Variants in DIP2C observed in about 807,000 individuals in gnomAD.
The protein encoded by DIP2C is DIP2 acetate--CoA ligase C (putative), also known as disco-interacting protein 2 homolog C.
DIP2C carries 33 observed loss-of-function variants against 192.4 expected under a neutral mutation model. The observed-to-expected ratio is 0.17, with a 90% CI of 0.13 to 0.23. The LOEUF (loss-of-function observed/expected upper bound fraction) is 0.23, where lower values mean the gene tolerates loss of function less well. Ranked by LOEUF, DIP2C falls within the 10% of genes least tolerant of loss-of-function variation. The pLI is 1.00. For missense variants in DIP2C, 1,537 were observed against 2,110.1 expected, an observed-to-expected ratio of 0.73 and a Z score of 5.32; for synonymous variants, 979 against 864.1, an observed-to-expected ratio of 1.13 and a Z score of -2.33.
intron 1 of DIP2C, among the ~76,000 whole-genome samples, chr10:507,892 G>C (rs978611233): frequency 1.3e-5 from 2 of 152,166 alleles, no homozygotes; most frequent in Non-Finnish European, 2.9e-5. Context: ...TAAATGAGGG[G>C]CCCAAGTTTT....
chr10:474,225 G>A (rs1970876823), intron 2 of DIP2C, among the ~76,000 whole-genome samples: 1 of 152,120 alleles, frequency 6.6e-6, no homozygotes, highest in Non-Finnish European at 1.5e-5. Context: ...ATGACTTCCT[G>A]AATTGTCCTT....
intron 1 of DIP2C, among the ~76,000 whole-genome samples, chr10:546,363 C>A (rs978622341): frequency 1.3e-5 from 2 of 151,464 alleles, no homozygotes; most frequent in Non-Finnish European, 3.0e-5. Flanking sequence ...AAAGAAAAAA[C>A]CATTTTCCAA....
At chr10:340,745 C>T (rs1958103171) in intron 29 of DIP2C, 2 of 457,536 alleles carry the variant, frequency 4.4e-6, no homozygotes, top group Non-Finnish European at 4.4e-6. Context: ...TAGAGTGCCG[C>T]ACCCCAGGGA....
At chr10:599,927 G>C (rs1851947331) in intron 1 of DIP2C, among the ~76,000 whole-genome samples, 1 of 152,178 alleles carries the variant, frequency 6.6e-6, no homozygotes, top group Non-Finnish European at 1.5e-5. Context: ...TCCATCTCCT[G>C]TGTACACCTC....
chr10:542,152 C>G (rs563415138), intron 1 of DIP2C, among the ~76,000 whole-genome samples: 2 of 152,332 alleles, frequency 1.3e-5, no homozygotes, highest in South Asian at 4.1e-4. Context: ...CCTGCTGGCT[C>G]CTGAACCTCC....
chr10:662,227 T>C (rs1038862082), intron 1 of DIP2C: 1 of 661,920 alleles, frequency 1.5e-6, no homozygotes, highest in Admixed American at 2.2e-5. Context: ...CTCTCATTCC[T>C]GGGTTCCTAG....
chr10:491,870 A>G (rs1182349090), intron 1 of DIP2C, among the ~76,000 whole-genome samples: 1 of 152,246 alleles, frequency 6.6e-6, no homozygotes, highest in African/African-American at 2.4e-5. Flanking sequence ...GGCCACAGGT[A>G]TCGCCCCGTC....
chr10:476,604 C>G (rs1435365072), intron 2 of DIP2C, among the ~76,000 whole-genome samples: 1 of 152,192 alleles, frequency 6.6e-6, no homozygotes, highest in Non-Finnish European at 1.5e-5. Context: ...TGTGCGGTGT[C>G]TGAACATTCT....
At chr10:377,454 T>C (rs1423101627) in intron 17 of DIP2C, among the ~76,000 whole-genome samples, 1 of 152,270 alleles carries the variant, frequency 6.6e-6, no homozygotes, top group Non-Finnish European at 1.5e-5. Flanking sequence ...TGCTATTCGA[T>C]GCTACCTAAC....
chr10:349,747 C>A (rs1414276757), intron 24 of DIP2C, among the ~76,000 whole-genome samples: 2 of 152,152 alleles, frequency 1.3e-5, no homozygotes, highest in East Asian at 1.9e-4. Flanking sequence ...AAAATGATTA[C>A]GTGAATTAAA....
intron 20 of DIP2C, among the ~76,000 whole-genome samples, 176 bp downstream of exon 20, chr10:364,198 G>A (rs992601792): frequency 6.6e-6 from 1 of 152,172 alleles, no homozygotes; most frequent in Non-Finnish European, 1.5e-5. Flanking sequence ...TAAAATCTTG[G>A]ACATTCAGAA....
chr10:305,359 CG>C, intron 32 of DIP2C, among the ~76,000 whole-genome samples: 1 of 152,294 alleles, frequency 6.6e-6, no homozygotes. Context: ...AGGACCTGAT[CG>C]GGTGAAAGGC....
chr10:617,726 C>CA (rs1268696048), intron 1 of DIP2C, among the ~76,000 whole-genome samples: 10 of 151,352 alleles, frequency 6.6e-5, no homozygotes, highest in African/African-American at 1.2e-4. Flanking sequence ...AAACCACCCT[C>CA]AAGGGCGCTC....
At chr10:391,003 G>T in intron 10 of DIP2C, 140 bp from the exon 11 acceptor site, 1 of 1,267,350 alleles carries the variant, frequency 7.9e-7, no homozygotes, top group Non-Finnish European at 1.1e-6. Context: ...CTTGGTATCT[G>T]TGGGACCCTG....
Position 277,203 on chromosome 10 carries a change from C to T in DIP2C, c.*122G>A, listed in dbSNP as rs533358325. On this transcript the variant is annotated 3_prime_UTR_variant, in exon 37 of 37. Coordinates refer to ENST00000280886, the MANE Select transcript of DIP2C (RefSeq NM_014974.3). ...AAGTCCTCTTCCTCCTCCTCTTCCT[C>T]CTCCACTCTCACCACAAATGGCTGT... is the stretch of plus-strand genomic sequence containing the variant. The T allele has an allele frequency of 4.3e-4, 617 of 1,442,900 alleles. 4 individuals carry two copies. The African/African-American group carries it at 7.8e-3, about 18-fold the overall frequency. The allele number at this position is 1,442,900 out of a possible 1,614,324, so 89.4% of individuals were successfully genotyped here.
chr10:280,630 C>T (rs935241241), intron 36 of DIP2C, among the ~76,000 whole-genome samples: 3 of 152,226 alleles, frequency 2.0e-5, no homozygotes, highest in African/African-American at 7.2e-5. Context: ...ATTAAATGGG[C>T]CAGAGAGAAA....
chr10:613,023 C>T (rs764464023), intron 1 of DIP2C, among the ~76,000 whole-genome samples: 55 of 152,160 alleles, frequency 3.6e-4, no homozygotes, highest in Non-Finnish European at 2.1e-4. Context: ...TGCAGTTTTG[C>T]TTCAAGCAGA....
At chr10:527,993 G>A (rs980472156) in intron 1 of DIP2C, among the ~76,000 whole-genome samples, 11 of 152,030 alleles carry the variant, frequency 7.2e-5, no homozygotes, top group Admixed American at 1.3e-4. Context: ...AGCCTCCCCC[G>A]CCAGCATGGC....
At chr10:439,005 T>A (rs754521733) in intron 4 of DIP2C, among the ~76,000 whole-genome samples, 1 of 152,026 alleles carries the variant, frequency 6.6e-6, no homozygotes, top group Non-Finnish European at 1.5e-5. Flanking sequence ...GTACTTTTGG[T>A]GGAGACAAAA....
Sources: allele counts gnomAD v4.1 joint callset (sites outside exome capture counted in the v4.1 genomes callset), GRCh38; gene constraint gnomAD v4.1.1; transcripts MANE v1.5; gene names NCBI Gene and HGNC (gene_info 2026-07-23, HGNC 2026-07-21).